The following PDZRN3 variants were observed in gnomAD, a reference collection of about 807,000 sequenced individuals.
The protein encoded by PDZRN3 is PDZ domain containing ring finger 3, also known as E3 ubiquitin-protein ligase PDZRN3.
A neutral mutation model predicts 85.7 loss-of-function variants in PDZRN3; 38 were observed. The observed-to-expected ratio is 0.44, with a 90% CI of 0.34 to 0.58. PDZRN3 has a LOEUF of 0.58. Among genes scored for constraint, PDZRN3 ranks in the 20% least tolerant of loss-of-function variants. PDZRN3 has a pLI of 0.01. For synonymous variants in PDZRN3, 759 were observed against 638.0 expected (o/e 1.19, Z -2.86); for missense variants, 1,629 against 1,506.4 (o/e 1.08, Z -1.35).
chr3:73,534,054 T>C lies in PDZRN3; in HGVS notation c.918+68300A>G, dbSNP rs560926007. Among the ~76,000 whole-genome samples, 24 of 152,334 alleles carry C rather than the reference T, an allele frequency of 1.6e-4. No individual in the cohort carries two copies. The South Asian group carries it at 4.1e-3, about 26-fold the overall frequency. ...ATTTATTCCCCCATTAAAATGCAGATCCATGAGGACTGGACCTTTGATTCT... is the reference window on the plus strand; with the variant it reads ...ATTTATTCCCCCATTAAAATGCAGACCCATGAGGACTGGACCTTTGATTCT... On this transcript the variant is annotated intron_variant, in intron 3 of 9. Coordinates refer to ENST00000263666, the MANE Select transcript of PDZRN3 (RefSeq NM_015009.3).
intron 3 of PDZRN3, among the ~76,000 whole-genome samples, chr3:73,558,169 A>T (rs1156620858): frequency 6.6e-6 from 1 of 152,084 alleles, no homozygotes; most frequent in Non-Finnish European, 1.5e-5. Context: ...ATGTAATGCA[A>T]ATAAAATCTT....
At chr3:73,508,591 A>G (rs577668241) in intron 3 of PDZRN3, among the ~76,000 whole-genome samples, 10 of 152,286 alleles carry the variant, frequency 6.6e-5, no homozygotes, top group African/African-American at 2.4e-4. Flanking sequence ...ACAGTTTTCT[A>G]TCCTTAAGAA....
At chr3:73,503,682 G>A (rs6419779) in intron 3 of PDZRN3, among the ~76,000 whole-genome samples, 152,286 of 152,336 alleles carry the variant, frequency 1, 76,118 homozygotes, top group Middle Eastern at 1. Flanking sequence ...TTCCAAAAAT[G>A]TAACACAGCA....
intron 3 of PDZRN3, among the ~76,000 whole-genome samples, chr3:73,457,002 T>G (rs367760957): frequency 1.0e-3 from 157 of 152,322 alleles, no homozygotes; most frequent in African/African-American, 3.5e-3. Context: ...CCTGTTGGTA[T>G]GTTAAAACAA....
intron 3 of PDZRN3, among the ~76,000 whole-genome samples, chr3:73,415,502 G>T (rs969724404): frequency 1.3e-5 from 2 of 152,092 alleles, no homozygotes; most frequent in African/African-American, 4.8e-5. Context: ...CTATACAGAT[G>T]ATCTCCAATT....
intron 3 of PDZRN3, chr3:73,404,660 T>C: frequency 2.5e-6 from 1 of 392,542 alleles, no homozygotes; most frequent in Non-Finnish European, 4.6e-6. Flanking sequence ...TTTAACACAA[T>C]TTCATCACTT....
intron 3 of PDZRN3, among the ~76,000 whole-genome samples, chr3:73,417,417 T>G (rs1177725316): frequency 6.6e-6 from 1 of 152,226 alleles, no homozygotes; most frequent in Non-Finnish European, 1.5e-5. Flanking sequence ...ACAATTGAAC[T>G]ATTCTGGAGA....
At chr3:73,505,446 A>T (rs1228418959) in intron 3 of PDZRN3, among the ~76,000 whole-genome samples, 1 of 152,208 alleles carries the variant, frequency 6.6e-6, no homozygotes, top group African/African-American at 2.4e-5. Context: ...ATGCAAAAAT[A>T]CCTCTCCCAA....
intron 1 of PDZRN3, among the ~76,000 whole-genome samples, chr3:73,618,806 T>C (rs1239968870): frequency 6.6e-6 from 1 of 152,232 alleles, no homozygotes; most frequent in Non-Finnish European, 1.5e-5. Flanking sequence ...GTAAAACAAA[T>C]CCTAATTTTC....
chr3:73,488,718 A>C (rs914793066), intron 3 of PDZRN3, among the ~76,000 whole-genome samples: 1 of 152,252 alleles, frequency 6.6e-6, no homozygotes, highest in Non-Finnish European at 1.5e-5. Flanking sequence ...TCGTGCACTT[A>C]GGAGAACCCT....
intron 3 of PDZRN3, among the ~76,000 whole-genome samples, chr3:73,582,245 T>C (rs13075427): frequency 0.19 from 28,586 of 152,168 alleles, 3,064 homozygotes; most frequent in East Asian, 0.27. Context: ...GGAAGGCACA[T>C]GTAGATTTGT....
chr3:73,592,346 T>C (rs1019597322), intron 3 of PDZRN3, among the ~76,000 whole-genome samples: 2 of 151,860 alleles, frequency 1.3e-5, no homozygotes, highest in African/African-American at 4.8e-5. Flanking sequence ...TTCGTTTTAA[T>C]GCTGACTTGC....
intron 3 of PDZRN3, among the ~76,000 whole-genome samples, chr3:73,419,242 T>G (rs915967067): frequency 6.6e-6 from 1 of 152,172 alleles, no homozygotes; most frequent in Non-Finnish European, 1.5e-5. Flanking sequence ...GGGGAGTTCA[T>G]GTACATGACT....
chr3:73,603,884 C>T (rs201296244), intron 2 of PDZRN3, among the ~76,000 whole-genome samples: 1 of 71,018 alleles, frequency 1.4e-5, no homozygotes, highest in Non-Finnish European at 4.2e-5. Flanking sequence ...CACACACACA[C>T]ATACACACAC....
chr3:73,384,677 C>A lies in PDZRN3; in HGVS notation c.1889G>T (p.Cys630Phe), dbSNP rs776331499. ...GATCCCCAGGTAGTCGGCGTCCGTG[C>A]AGTCGGCCGAAATGAAAGACTCGTT... ...FSNESFISAD[C>F]TDADYLGIPV... The change falls in exon 10 of 10, where the codon TGC becomes TTC. Residue 630 changes from cysteine to phenylalanine, a missense_variant. By Grantham distance (205) the Cys-to-Phe change is radical. Transcript: ENST00000263666. 3 of 1,613,900 alleles carry A rather than the reference C, an allele frequency of 1.9e-6. No homozygotes were observed. The highest frequency in any genetic ancestry group is 4.5e-5 in the East Asian group (2 of 44,890).
intron 3 of PDZRN3, among the ~76,000 whole-genome samples, chr3:73,479,798 C>T (rs983338598): frequency 6.6e-6 from 1 of 151,938 alleles, no homozygotes; most frequent in Admixed American, 6.6e-5. Context: ...TGGGGACTCA[C>T]GTTCACTATA....
At chr3:73,598,591 A>G (rs1702465849) in intron 3 of PDZRN3, among the ~76,000 whole-genome samples, 1 of 152,172 alleles carries the variant, frequency 6.6e-6, no homozygotes, top group Non-Finnish European at 1.5e-5. Context: ...CCCAGGGCAG[A>G]TGGACACACA....
intron 2 of PDZRN3, among the ~76,000 whole-genome samples, chr3:73,607,906 A>G (rs927008660): frequency 1.3e-5 from 2 of 152,124 alleles, no homozygotes; most frequent in African/African-American, 2.4e-5. Flanking sequence ...TTTCCTTTTA[A>G]GCTAATAAAC....
chr3:73,406,562 A>G (rs1701858300), intron 3 of PDZRN3, among the ~76,000 whole-genome samples: 1 of 152,354 alleles, frequency 6.6e-6, no homozygotes, highest in Admixed American at 6.5e-5. Context: ...AATACCACCC[A>G]GTCACGCTGG....
Sources: gnomAD v4.1 joint callset for allele counts (sites outside exome capture counted in the v4.1 genomes callset) on GRCh38, gnomAD v4.1.1 for gene constraint, MANE v1.5 for transcripts, NCBI Gene and HGNC (gene_info 2026-07-23, HGNC 2026-07-21) for gene names.